Variants in RASA2 observed in about 807,000 individuals in gnomAD.
The protein encoded by RASA2 is RAS p21 protein activator 2.
RASA2 carries 155 observed loss-of-function variants against 118.2 expected under a neutral mutation model. The ratio of observed to expected loss-of-function variants is 1.31; its 90% CI spans 1.15 to 1.50. The LOEUF is 1.50. Ranked by LOEUF, RASA2 falls within the 40% of genes most tolerant of loss-of-function variation. The pLI, the probability that RASA2 is intolerant of heterozygous loss-of-function variation, is 0.00. For missense variants in RASA2, 1,016 were observed against 1,009.6 expected, an observed-to-expected ratio of 1.01 and a Z score of -0.09; for synonymous variants, 353 against 349.1, an observed-to-expected ratio of 1.01 and a Z score of -0.12.
intron 23 of RASA2, among the ~76,000 whole-genome samples, chr3:141,610,818 T>C (rs2083639563): frequency 1.3e-5 from 2 of 152,130 alleles, no homozygotes; most frequent in Admixed American, 6.5e-5. Flanking sequence ...TACATTCAGT[T>C]GTAATTCATT....
intron 5 of RASA2, among the ~76,000 whole-genome samples, chr3:141,550,496 G>T (rs1307152500): frequency 6.6e-6 from 1 of 152,192 alleles, no homozygotes; most frequent in South Asian, 2.1e-4. Flanking sequence ...AAAGGACATT[G>T]GTGAAATTTG....
chr3:141,512,300 A>G lies in RASA2; in HGVS notation c.251+20A>G, dbSNP rs750316928. On this transcript the variant is annotated intron_variant, in intron 2 of 23. Coordinates refer to ENST00000286364, the MANE Select transcript of RASA2 (RefSeq NM_006506.5). ...TTTAAGGTTGGTAGAAAAAATTGGTAAATTATAATTTTTACTATATAGATT... is the reference window on the plus strand; with the variant it reads ...TTTAAGGTTGGTAGAAAAAATTGGTGAATTATAATTTTTACTATATAGATT... 73 of 1,490,550 alleles carry G rather than the reference A, an allele frequency of 4.9e-5. No individual in the cohort carries two copies. Among genetic ancestry groups the G allele is most frequent in the Non-Finnish European group, 6.3e-5 (68 of 1,087,956 alleles). The allele number at this position is 1,490,550 out of a possible 1,614,324, so 92.3% of individuals were successfully genotyped here. A position where few individuals can be genotyped will look rare whatever the true frequency, so the allele number is the denominator to read the frequency against.
chr3:141,506,470 T>C (rs2081868711), intron 1 of RASA2, among the ~76,000 whole-genome samples: 1 of 152,268 alleles, frequency 6.6e-6, no homozygotes, highest in African/African-American at 2.4e-5. Context: ...TTATTTCAGC[T>C]GGCTTGCTTG....
At chr3:141,517,990 G>A (rs554506456) in intron 3 of RASA2, among the ~76,000 whole-genome samples, 117 of 152,194 alleles carry the variant, frequency 7.7e-4, no homozygotes, top group African/African-American at 2.6e-3. Flanking sequence ...TCAGACTAGA[G>A]TGTGATCTGT....
chr3:141,610,158 A>G (rs995636720), intron 23 of RASA2, 92 bp downstream of exon 23: 33 of 1,083,818 alleles, frequency 3.0e-5, no homozygotes, highest in Non-Finnish European at 4.0e-5. Context: ...GCTCACCCAC[A>G]TCTGTCAACA....
intron 7 of RASA2, among the ~76,000 whole-genome samples, chr3:141,557,514 A>G (rs542354564): frequency 6.6e-6 from 1 of 152,336 alleles, no homozygotes; most frequent in South Asian, 2.1e-4. Context: ...AATAATGGAA[A>G]CTAAGATTAG....
chr3:141,530,903 T>C (rs921089686), intron 4 of RASA2, among the ~76,000 whole-genome samples: 2 of 152,120 alleles, frequency 1.3e-5, no homozygotes, highest in Admixed American at 1.3e-4. Flanking sequence ...AGTGTTTAAA[T>C]TAAAAGGCAG....
At chr3:141,522,389 C>T (rs1414989188) in intron 3 of RASA2, among the ~76,000 whole-genome samples, 1 of 152,082 alleles carries the variant, frequency 6.6e-6, no homozygotes, top group African/African-American at 2.4e-5. Context: ...CATCTGGGTA[C>T]CTGAGCATTT....
chr3:141,561,105 G>A (rs549085339), intron 9 of RASA2, among the ~76,000 whole-genome samples: 2 of 152,258 alleles, frequency 1.3e-5, no homozygotes, highest in South Asian at 4.1e-4. Context: ...ATCAAATGTA[G>A]TCACTATGAA....
At position 141,608,578 on chromosome 3, in the gene RASA2, G is replaced by C; in HGVS notation, c.2106G>C (p.Arg702Ser). 1.2e-6 allele frequency: 2 copies of C among 1,613,938 alleles called. No individual in the cohort carries two copies. The highest frequency in any genetic ancestry group is 1.7e-6 in the Non-Finnish European group (2 of 1,179,878). The change falls in exon 21 of 24, where the codon AGG (arginine) becomes AGC (serine). Residue 702 changes from arginine (R) to serine (S), a missense_variant. Physicochemically the swap from Arg to Ser is moderately radical, Grantham distance 110 (BLOSUM62 -1). Transcript: ENST00000286364. ...ATGAATGGATAGACGTACTCTGCAG[G>C]GTGAGCCGATGCAATCAAAACAGGC... Reference protein sequence around the residue: ...EANEWIDVLCRVSRCNQNRLS... With the variant: ...EANEWIDVLCSVSRCNQNRLS...
At chr3:141,499,081 G>A (rs2081742740) in intron 1 of RASA2, among the ~76,000 whole-genome samples, 1 of 152,290 alleles carries the variant, frequency 6.6e-6, no homozygotes, top group Admixed American at 6.5e-5. Flanking sequence ...GCCTTTTCGT[G>A]TATAGTAGTT....
chr3:141,535,351 C>G (rs2082313088), intron 4 of RASA2, among the ~76,000 whole-genome samples: 2 of 152,036 alleles, frequency 1.3e-5, no homozygotes, highest in South Asian at 4.1e-4. Context: ...CAAGGTATGC[C>G]TGTAAAAACA....
chr3:141,580,083 AAAATATATATATATATAT>A (rs1263775211), intron 15 of RASA2, among the ~76,000 whole-genome samples: 3 of 82,556 alleles, frequency 3.6e-5, no homozygotes, highest in Non-Finnish European at 4.6e-5. Context: ...AAAAAAAAAA[AAAATATATATATATATAT>A]ATATATATAT....
chr3:141,591,498 A>C (rs909872642), intron 19 of RASA2, among the ~76,000 whole-genome samples: 5 of 152,164 alleles, frequency 3.3e-5, no homozygotes, highest in African/African-American at 1.2e-4. Flanking sequence ...TAAGGACCAT[A>C]TTATTACTAG....
chr3:141,563,503 A>G (rs1186518337), intron 9 of RASA2, among the ~76,000 whole-genome samples: 1 of 152,190 alleles, frequency 6.6e-6, no homozygotes, highest in Non-Finnish European at 1.5e-5. Context: ...ATAGTTATTC[A>G]TATATTTAAG....
intron 4 of RASA2, among the ~76,000 whole-genome samples, chr3:141,540,189 A>G (rs2082386505): frequency 6.6e-6 from 1 of 152,184 alleles, no homozygotes; most frequent in African/African-American, 2.4e-5. Flanking sequence ...TATCTTCTGG[A>G]AAAAGCATCC....
chr3:141,526,647 T>G (rs150192880), intron 3 of RASA2, among the ~76,000 whole-genome samples: 95 of 152,358 alleles, frequency 6.2e-4, no homozygotes, highest in African/African-American at 2.1e-3. Context: ...TGTGGAATCA[T>G]GTACTCTTTC....
intron 19 of RASA2, among the ~76,000 whole-genome samples, chr3:141,597,012 G>A (rs979090594): frequency 1.3e-5 from 2 of 152,184 alleles, no homozygotes; most frequent in African/African-American, 2.4e-5. Flanking sequence ...TCAGAGCAGC[G>A]TTATTCACAA....
intron 3 of RASA2, among the ~76,000 whole-genome samples, chr3:141,528,125 C>T (rs1363659846): frequency 1.3e-5 from 2 of 151,656 alleles, no homozygotes; most frequent in African/African-American, 4.8e-5. Context: ...AATAGGCCTC[C>T]TTCGATTGTA....
Sources: allele counts gnomAD v4.1 joint callset (sites outside exome capture counted in the v4.1 genomes callset), GRCh38; gene constraint gnomAD v4.1.1; transcripts MANE v1.5; gene names NCBI Gene and HGNC (gene_info 2026-07-23, HGNC 2026-07-21).